FTO: variants seen among roughly 807,000 people sequenced by gnomAD.
FTO encodes the protein alpha-ketoglutarate-dependent dioxygenase FTO.
A neutral mutation model predicts 63.9 loss-of-function variants in FTO; 47 were observed. The observed-to-expected ratio is 0.74, with a 90% confidence interval of 0.58 to 0.94. FTO has a LOEUF of 0.94. Ranked by LOEUF, FTO falls within the 40% of genes least tolerant of loss-of-function variation. FTO has a pLI of 0.00. For synonymous variants in FTO, 207 were observed against 224.4 expected, an observed-to-expected ratio of 0.92 and a Z score of 0.69; for missense variants, 562 against 618.1, an observed-to-expected ratio of 0.91 and a Z score of 0.96.
At chr16:54,055,530 A>G (rs2085411653) in intron 8 of FTO, among the ~76,000 whole-genome samples, 1 of 152,228 alleles carries the variant, frequency 6.6e-6, no homozygotes, top group African/African-American at 2.4e-5. Flanking sequence ...TAGGAATTAA[A>G]AAGAGATAAC....
At chr16:53,854,350 T>A (rs1187623660) in intron 4 of FTO, among the ~76,000 whole-genome samples, 3 of 152,172 alleles carry the variant, frequency 2.0e-5, no homozygotes, top group African/African-American at 7.2e-5. Flanking sequence ...TTGCATTTGC[T>A]TTTGGGGTCC....
intron 8 of FTO, among the ~76,000 whole-genome samples, chr16:54,018,901 T>G (rs1188557842): frequency 6.6e-6 from 1 of 152,210 alleles, no homozygotes; most frequent in African/African-American, 2.4e-5. Flanking sequence ...CAGTATCAAA[T>G]TGTACCCTGA....
chr16:53,730,214 A>G (rs1158737457), intron 1 of FTO, among the ~76,000 whole-genome samples: 2 of 152,176 alleles, frequency 1.3e-5, no homozygotes, highest in Non-Finnish European at 2.9e-5. Flanking sequence ...GTGATGCATG[A>G]AAACATTAGA....
chr16:53,704,119 A>C, upstream of FTO: 1 of 1,462,146 alleles, frequency 6.8e-7, no homozygotes, highest in South Asian at 1.2e-5. Context: ...AACTACATGC[A>C]GGAGGCGGGG....
At chr16:53,902,456 A>G (rs557500363) in intron 7 of FTO, among the ~76,000 whole-genome samples, 220 of 152,306 alleles carry the variant, frequency 1.4e-3, no homozygotes, top group African/African-American at 5.0e-3. Flanking sequence ...TGTGCTTGGG[A>G]TATTTCTCTG....
chr16:53,995,119 C>G (rs2083904957), intron 8 of FTO, among the ~76,000 whole-genome samples: 1 of 152,198 alleles, frequency 6.6e-6, no homozygotes, highest in Non-Finnish European at 1.5e-5. Flanking sequence ...GCGAATTGCC[C>G]ACACCCCAGA....
At chr16:54,044,211 C>G (rs2085134582) in intron 8 of FTO, among the ~76,000 whole-genome samples, 1 of 75,908 alleles carries the variant, frequency 1.3e-5, no homozygotes, top group Non-Finnish European at 2.1e-5. Flanking sequence ...TTCAGGAAAC[C>G]CATCTCACGT....
chr16:53,855,218 A>G (rs182383431), intron 4 of FTO, among the ~76,000 whole-genome samples: 15 of 152,244 alleles, frequency 9.9e-5, no homozygotes, highest in South Asian at 2.1e-4. Flanking sequence ...TACCTACACA[A>G]TCATATTACT....
chr16:53,903,984 A>T (rs1406472308), intron 7 of FTO, among the ~76,000 whole-genome samples: 1 of 151,820 alleles, frequency 6.6e-6, no homozygotes, highest in African/African-American at 2.4e-5. Flanking sequence ...ATAAATGTGT[A>T]TATTTACATA....
intron 8 of FTO, among the ~76,000 whole-genome samples, chr16:54,015,355 GTTGT>G (rs1251295102): frequency 2.2e-4 from 34 of 152,206 alleles, no homozygotes; most frequent in Admixed American, 6.5e-4. Context: ...CACAAACAGA[GTTGT>G]TTGTCTGCAG....
At chr16:54,005,676 T>C in intron 8 of FTO, among the ~76,000 whole-genome samples, 1 of 152,178 alleles carries the variant, frequency 6.6e-6, no homozygotes, top group African/African-American at 2.4e-5. Context: ...GAAGTATTTA[T>C]CAAACAACTA....
intron 1 of FTO, among the ~76,000 whole-genome samples, chr16:53,712,878 C>G (rs553370069): frequency 5.1e-4 from 78 of 151,824 alleles, no homozygotes; most frequent in South Asian, 1.0e-3. Flanking sequence ...ATGAGATTTA[C>G]TGTGGCTGAG....
chr16:53,871,601 T>A (rs1426579080), intron 4 of FTO, among the ~76,000 whole-genome samples: 1 of 152,208 alleles, frequency 6.6e-6, no homozygotes, highest in African/African-American at 2.4e-5. Context: ...CATTTCTCTG[T>A]TACTTTTTGA....
At chr16:54,088,670 G>T (rs1567564258) in intron 8 of FTO, among the ~76,000 whole-genome samples, 1 of 152,180 alleles carries the variant, frequency 6.6e-6, no homozygotes, top group African/African-American at 2.4e-5. Context: ...GGGGGAAAAT[G>T]AGAATCTCCT....
At chr16:54,086,808 G>T (rs1285252535) in intron 8 of FTO, among the ~76,000 whole-genome samples, 2 of 152,202 alleles carry the variant, frequency 1.3e-5, no homozygotes, top group Non-Finnish European at 2.9e-5. Flanking sequence ...AAAGTTAAAT[G>T]CCTTTAGCAA....
intron 1 of FTO, among the ~76,000 whole-genome samples, chr16:53,794,804 A>T (rs2078018276): frequency 6.6e-6 from 1 of 152,172 alleles, no homozygotes; most frequent in African/African-American, 2.4e-5. Context: ...AACACTATGG[A>T]GGGAAAGGTG....
intron 8 of FTO, among the ~76,000 whole-genome samples, chr16:54,027,215 T>G (rs17825731): frequency 0.046 from 7,041 of 152,162 alleles, 201 homozygotes; most frequent in South Asian, 0.15. Flanking sequence ...TTACACAAGA[T>G]TTTGAGTACT....
chr16:53,762,842 A>G (rs2077101836), intron 1 of FTO, among the ~76,000 whole-genome samples: 1 of 152,200 alleles, frequency 6.6e-6, no homozygotes, highest in Non-Finnish European at 1.5e-5. Flanking sequence ...GAAACTGAAG[A>G]TATCTGAAGT....
At chr16:53,953,837 C>A (rs1330685107) in intron 8 of FTO, among the ~76,000 whole-genome samples, 1 of 152,200 alleles carries the variant, frequency 6.6e-6, no homozygotes, top group Non-Finnish European at 1.5e-5. Flanking sequence ...ATGAGCAAAT[C>A]TTTTAAAATT....
Sources: allele counts gnomAD v4.1 joint callset (sites outside exome capture counted in the v4.1 genomes callset), GRCh38; gene constraint gnomAD v4.1.1; transcripts MANE v1.5; gene names NCBI Gene and HGNC (gene_info 2026-07-23, HGNC 2026-07-21).